The following SYNDIG1L variants were observed in gnomAD, a reference collection of about 807,000 sequenced individuals.
SYNDIG1L encodes synapse differentiation inducing 1 like, also known as synapse differentiation-inducing gene protein 1-like.
Under a neutral mutation model 20.1 loss-of-function variants are expected in SYNDIG1L, and 13 were observed. The ratio of observed to expected loss-of-function variants is 0.65; its 90% CI spans 0.42 to 1.03. The LOEUF is 1.03. Among genes scored for constraint, SYNDIG1L ranks in the 50% least tolerant of loss-of-function variants. The pLI, the probability that SYNDIG1L is intolerant of heterozygous loss-of-function variation, is 0.00. For synonymous variants in SYNDIG1L, 128 were observed against 129.3 expected (o/e 0.99, Z 0.07); for missense variants, 294 against 305.1 (o/e 0.96, Z 0.27).
chr14:74,418,218 G>A (rs1001339626), intron 1 of SYNDIG1L, among the ~76,000 whole-genome samples: 9 of 152,306 alleles, frequency 5.9e-5, no homozygotes, highest in South Asian at 2.1e-4. Flanking sequence ...GGTGATAAGC[G>A]AAAGAGCCAC....
chr14:74,476,741 T>C, the SYNDIG1L span: 1 of 613,552 alleles, frequency 1.6e-6, no homozygotes, highest in Non-Finnish European at 2.8e-6. Context: ...TCCACCCCTT[T>C]TTAGGAACCA....
At chr14:74,426,627 G>T (rs1384002921), upstream of SYNDIG1L, among the ~76,000 whole-genome samples, 1 of 152,148 alleles carries the variant, frequency 6.6e-6, no homozygotes, top group African/African-American at 2.4e-5. Flanking sequence ...TACCAAGCCC[G>T]ATAATGTGTT....
chr14:74,463,732 G>A, the SYNDIG1L span, among the ~76,000 whole-genome samples: 1 of 152,146 alleles, frequency 6.6e-6, no homozygotes, highest in East Asian at 1.9e-4. Context: ...AAATATGACC[G>A]ACTGTTCTGT....
chr14:74,436,252 A>G, the SYNDIG1L span, among the ~76,000 whole-genome samples: 57 of 146,714 alleles, frequency 3.9e-4, no homozygotes, highest in Non-Finnish European at 6.6e-4. Flanking sequence ...TTTAAGAGAT[A>G]GTGTCTTGCT....
At chr14:74,443,058 A>G in the SYNDIG1L span, among the ~76,000 whole-genome samples, 1 of 152,312 alleles carries the variant, frequency 6.6e-6, no homozygotes, top group East Asian at 1.9e-4. Flanking sequence ...AAATTTGGGG[A>G]AAATTAGCAC....
the SYNDIG1L span, among the ~76,000 whole-genome samples, chr14:74,470,595 C>T: frequency 5.3e-5 from 8 of 152,168 alleles, no homozygotes; most frequent in African/African-American, 1.9e-4. Flanking sequence ...ATGGAGGCTC[C>T]GAGTGGCACC....
chr14:74,432,174 TGTGTGTGA>T, the SYNDIG1L span, among the ~76,000 whole-genome samples: 34 of 144,862 alleles, frequency 2.3e-4, no homozygotes, highest in African/African-American at 7.6e-4. Context: ...TGTGTGTGTG[TGTGTGTGA>T]GAGAGAGAGA....
Position 74,409,759 on chromosome 14 carries a change from T to C in SYNDIG1L, c.-15A>G. On this transcript the variant is annotated 5_prime_UTR_variant, in exon 2 of 4. Coordinates refer to ENST00000331628, the MANE Select transcript of SYNDIG1L (RefSeq NM_001105579.2). ...AGACTCTCCATGGTTCTGGGGCAGC[T>C]GCTGGGGAGGGGGGCCTGGGCCAGC... 7.1e-7 allele frequency: 1 copy of C among 1,414,206 alleles called. No individual in the cohort carries two copies. Among genetic ancestry groups the C allele is most frequent in the Non-Finnish European group, 9.3e-7 (1 of 1,079,908 alleles). The allele number at this position is 1,414,206 out of a possible 1,614,324, so 87.6% of individuals were successfully genotyped here. A position where few individuals can be genotyped will look rare whatever the true frequency, so the allele number is the denominator to read the frequency against.
upstream of SYNDIG1L, among the ~76,000 whole-genome samples, chr14:74,426,491 C>T (rs547588633): frequency 5.3e-5 from 8 of 152,248 alleles, no homozygotes; most frequent in South Asian, 1.7e-3. Context: ...GATGGGAGGC[C>T]CTTGGGCTTC....
Position 74,424,671 on chromosome 14 carries a change from C to A in SYNDIG1L, c.-58+1241G>T, listed in dbSNP as rs1402964906. The stretch of plus-strand genomic sequence containing the variant: ...TCTGGGACCCCACGGTGGCCAAGGA[C>A]AAAGGGAGACATGGCCATGCTGGGA... On this transcript the variant is annotated intron_variant, in intron 1 of 3. Transcript: ENST00000331628. Among the ~76,000 whole-genome samples, 3 of 152,086 alleles carry A rather than the reference C, an allele frequency of 2.0e-5. No homozygotes were observed. In the East Asian group the frequency reaches 5.8e-4, roughly 29 times the overall value.
chr14:74,418,504 T>C (rs923673318), intron 1 of SYNDIG1L, among the ~76,000 whole-genome samples: 1 of 152,178 alleles, frequency 6.6e-6, no homozygotes, highest in Non-Finnish European at 1.5e-5. Flanking sequence ...GTGATGATTG[T>C]AAAACCTGGC....
At chr14:74,450,305 C>T in the SYNDIG1L span, among the ~76,000 whole-genome samples, 2 of 152,096 alleles carry the variant, frequency 1.3e-5, no homozygotes, top group African/African-American at 4.8e-5. Flanking sequence ...TGAAGCAATA[C>T]CAATTCTACC....
At chr14:74,456,768 C>T in the SYNDIG1L span, among the ~76,000 whole-genome samples, 1 of 151,738 alleles carries the variant, frequency 6.6e-6, no homozygotes, top group Non-Finnish European at 1.5e-5. Context: ...GGGGGCTGGA[C>T]GTATGCAATA....
the SYNDIG1L span, among the ~76,000 whole-genome samples, chr14:74,462,292 T>A: frequency 3.3e-5 from 5 of 151,594 alleles, no homozygotes; most frequent in South Asian, 1.0e-3. Context: ...GAGACCAGCC[T>A]GGCCAACATA....
intron 2 of SYNDIG1L, 59 bp downstream of exon 2, chr14:74,409,269 A>G: frequency 8.3e-7 from 1 of 1,209,314 alleles, no homozygotes; most frequent in Non-Finnish European, 1.1e-6. Context: ...TTTTTTGTAG[A>G]GTCGGGGTCT....
the SYNDIG1L span, among the ~76,000 whole-genome samples, chr14:74,460,061 C>T: frequency 6.6e-6 from 1 of 152,102 alleles, no homozygotes; most frequent in Non-Finnish European, 1.5e-5. Flanking sequence ...TCTCTGTGGC[C>T]TGATGGCCTG....
At chr14:74,438,734 G>A in the SYNDIG1L span, among the ~76,000 whole-genome samples, 2 of 152,202 alleles carry the variant, frequency 1.3e-5, no homozygotes, top group Non-Finnish European at 2.9e-5. Context: ...GGGGAAGAAT[G>A]TTCTGTTATC....
At chr14:74,458,154 T>A in the SYNDIG1L span, among the ~76,000 whole-genome samples, 2 of 152,008 alleles carry the variant, frequency 1.3e-5, no homozygotes, top group East Asian at 1.9e-4. Flanking sequence ...AAACCTCAGT[T>A]TTTTCATTTA....
the SYNDIG1L span, among the ~76,000 whole-genome samples, chr14:74,449,242 G>GA: frequency 1.5e-5 from 2 of 136,192 alleles, no homozygotes; most frequent in Non-Finnish European, 3.2e-5. Context: ...CACAAAGAAA[G>GA]AAAAAAAGAA....
Sources: allele counts gnomAD v4.1 joint callset (sites outside exome capture counted in the v4.1 genomes callset), GRCh38; gene constraint gnomAD v4.1.1; transcripts MANE v1.5; gene names NCBI Gene and HGNC (gene_info 2026-07-23, HGNC 2026-07-21).